Variants in GBF1 observed in about 807,000 individuals in gnomAD.
The protein encoded by GBF1 is golgi brefeldin A resistant guanine nucleotide exchange factor 1, also known as Golgi-specific brefeldin A-resistance guanine nucleotide exchange factor 1.
A neutral mutation model predicts 210.5 loss-of-function variants in GBF1; 114 were observed. That is an observed-to-expected ratio of 0.54 (90% CI 0.47 to 0.63). The LOEUF (loss-of-function observed/expected upper bound fraction) is 0.63. Ranked by LOEUF, GBF1 falls within the 30% of genes least tolerant of loss-of-function variation. The pLI is 0.00. For missense variants in GBF1, 1,851 were observed against 2,357.7 expected, an observed-to-expected ratio of 0.79 and a Z score of 4.45; for synonymous variants, 850 against 889.2, an observed-to-expected ratio of 0.96 and a Z score of 0.78.
At chr10:102,233,435 C>T in the GBF1 span, among the ~76,000 whole-genome samples, 1 of 151,426 alleles carries the variant, frequency 6.6e-6, no homozygotes, top group East Asian at 1.9e-4. Context: ...TCCCATGTAG[C>T]TGGGACTACA....
chr10:102,327,302 T>A (rs1049621962), intron 3 of GBF1, among the ~76,000 whole-genome samples: 1 of 152,086 alleles, frequency 6.6e-6, no homozygotes, highest in Non-Finnish European at 1.5e-5. Flanking sequence ...GGGAGGAAAA[T>A]ATAGAGCTGG....
In GBF1 at chr10:102,369,462, G is replaced by A. The variant is rs1431779532; in HGVS notation, c.3150+75G>A. 5.3e-5 allele frequency: 65 copies of A among 1,222,656 alleles called. No individual in the cohort carries two copies. In the East Asian group the frequency reaches 1.5e-3, roughly 29 times the overall value. 75.7% of individuals were successfully genotyped at this position (1,222,656 alleles called of 1,614,324 possible). ...CATTGTATGCTACCTGTACATAGAA[G>A]TAAGTGGTTGAGAGTAATGTTGGGC... On this transcript the variant is annotated intron_variant, in intron 24 of 39. Coordinates refer to ENST00000369983, the MANE Select transcript of GBF1 (RefSeq NM_001377137.1).
chr10:102,230,796 C>A, the GBF1 span: 6 of 1,549,470 alleles, frequency 3.9e-6, no homozygotes, highest in Non-Finnish European at 5.2e-6. Context: ...CAGGCCCTGG[C>A]ACGGTGCCCG....
At chr10:102,242,745 G>A (rs188843235), upstream of GBF1, among the ~76,000 whole-genome samples, 21 of 151,998 alleles carry the variant, frequency 1.4e-4, no homozygotes, top group African/African-American at 4.8e-4. Context: ...TGGCTAACAC[G>A]GTGAAACCCC....
At chr10:102,335,453 T>C (rs910330133) in intron 3 of GBF1, among the ~76,000 whole-genome samples, 1 of 152,224 alleles carries the variant, frequency 6.6e-6, no homozygotes, top group Non-Finnish European at 1.5e-5. Context: ...ACTTTTCTCC[T>C]GAAGGACTCA....
chr10:102,302,290 G>A (rs1159668753), intron 3 of GBF1, among the ~76,000 whole-genome samples: 3 of 152,092 alleles, frequency 2.0e-5, no homozygotes, highest in African/African-American at 7.2e-5. Flanking sequence ...GGAGAGGTTA[G>A]TATTTTCAAA....
chr10:102,251,485 C>T (rs1299216652), intron 1 of GBF1, among the ~76,000 whole-genome samples: 1 of 151,862 alleles, frequency 6.6e-6, no homozygotes, highest in African/African-American at 2.4e-5. Flanking sequence ...TGAGATAGAG[C>T]CTGATAGTCC....
intron 1 of GBF1, among the ~76,000 whole-genome samples, chr10:102,258,245 C>T (rs2072690945): frequency 6.7e-6 from 1 of 150,072 alleles, no homozygotes; most frequent in African/African-American, 2.4e-5. Context: ...ACCTCTGCCT[C>T]CCAGGTCCAA....
chr10:102,305,223 T>C (rs1179437028), intron 3 of GBF1, among the ~76,000 whole-genome samples: 1 of 145,072 alleles, frequency 6.9e-6, no homozygotes, highest in Non-Finnish European at 1.5e-5. Flanking sequence ...GTGTGTGTAC[T>C]TGATCACCTC....
chr10:102,370,280 G>C (rs1276833768), intron 27 of GBF1, 35 bp downstream of exon 27: 1 of 1,529,022 alleles, frequency 6.5e-7, no homozygotes, highest in Non-Finnish European at 9.1e-7. Flanking sequence ...GGAACAACTG[G>C]CTGAATCTGG....
intron 3 of GBF1, among the ~76,000 whole-genome samples, chr10:102,329,871 G>A (rs186860574): frequency 1.1e-4 from 17 of 152,300 alleles, no homozygotes; most frequent in Admixed American, 5.2e-4. Context: ...CACTTTGGGA[G>A]GCTGAGGCAG....
chr10:102,361,025 C>T lies in GBF1; in HGVS notation c.1396C>T (p.Leu466Phe), dbSNP rs894131912. The T allele has an allele frequency of 2.0e-6, 3 of 1,489,814 alleles. No individual in the cohort carries two copies. Among genetic ancestry groups the T allele is most frequent in the African/African-American group, 1.4e-5 (1 of 72,358 alleles). The allele number at this position is 1,489,814 out of a possible 1,614,324, so 92.3% of individuals were successfully genotyped here. A position where few individuals can be genotyped will look rare whatever the true frequency, so the allele number is the denominator to read the frequency against. Residue 466 changes from leucine to phenylalanine, a missense_variant, in exon 13 of 40, where the codon CTC becomes TTC. Physicochemically the swap from Leu to Phe is conservative, Grantham distance 22 (BLOSUM62 0). Around this residue, in one of 3 missense-constraint regions of GBF1, gnomAD observed 804 missense variants for 958.6 expected, o/e 0.84. Coordinates refer to ENST00000369983, the MANE Select transcript of GBF1 (RefSeq NM_001377137.1). ...DEMCRHLFQL[L>F]SIERLNLYAA... ...CCTACCCTGCTCTCATCTCCAGCTACTCAGCATAGAGCGACTAAACCTTTA... is the reference window on the plus strand; with the variant it reads ...CCTACCCTGCTCTCATCTCCAGCTATTCAGCATAGAGCGACTAAACCTTTA...
At chr10:102,301,973 A>G (rs972342187) in intron 3 of GBF1, among the ~76,000 whole-genome samples, 4 of 152,232 alleles carry the variant, frequency 2.6e-5, no homozygotes, top group African/African-American at 9.6e-5. Context: ...AGCCTGGGCA[A>G]CATTGAGCAT....
chr10:102,244,684 G>C (rs1428575279), upstream of GBF1, among the ~76,000 whole-genome samples: 2 of 152,132 alleles, frequency 1.3e-5, no homozygotes, highest in Non-Finnish European at 2.9e-5. Flanking sequence ...AAGGCAGACC[G>C]GGAGTCAAAG....
chr10:102,258,545 G>T lies in GBF1; in HGVS notation c.-10-384G>T, dbSNP rs2072750811. 4.0e-5 allele frequency among the ~76,000 whole-genome samples: 6 copies of T among 150,254 alleles called. 1 individual carries two copies. In the South Asian group the frequency reaches 1.3e-3, roughly 32 times the overall value. On this transcript the variant is annotated intron_variant, in intron 1 of 39. Coordinates refer to ENST00000369983, the MANE Select transcript of GBF1 (RefSeq NM_001377137.1). The stretch of plus-strand genomic sequence containing the variant: ...CCAGCACTTTGGGAGGCCCAGGCGG[G>T]TGGATTACCTGAGGTCTGGAGCTCG...
chr10:102,369,597 C>T, intron 24 of GBF1, 114 bp from the exon 25 acceptor site: 1 of 1,030,266 alleles, frequency 9.7e-7, no homozygotes. Flanking sequence ...CCAATTGGCA[C>T]AATAGCATAG....
Position 102,360,231 on chromosome 10 carries a change from C to T in GBF1, c.1228C>T (p.Arg410Cys), listed in dbSNP as rs547325224. The part of the protein sequence containing the change: ...YGLPCIRELF[R>C]FLISLTNPHD... ...TCTTCCCTGCATCCGCGAGCTCTTCCGCTTCCTCATCTCCCTCACCAATCC... is the reference window on the plus strand; with the variant it reads ...TCTTCCCTGCATCCGCGAGCTCTTCTGCTTCCTCATCTCCCTCACCAATCC... Residue 410 changes from arginine to cysteine, a missense_variant, in exon 12 of 40, where the codon CGC (arginine) becomes TGC (cysteine). Physicochemically the swap from Arg to Cys is radical, Grantham distance 180. Transcript: ENST00000369983. 18 of 1,614,040 alleles carry T rather than the reference C, an allele frequency of 1.1e-5. No individual in the cohort carries two copies. Among genetic ancestry groups the T allele is most frequent in the East Asian group, 4.5e-5 (2 of 44,892 alleles).
intron 3 of GBF1, among the ~76,000 whole-genome samples, chr10:102,298,820 T>C (rs542505045): frequency 2.0e-5 from 3 of 152,328 alleles, no homozygotes; most frequent in Non-Finnish European, 2.9e-5. Flanking sequence ...CCTCCTACTC[T>C]TACCTCTACA....
At position 102,363,767 on chromosome 10, in the gene GBF1, G is replaced by A. The variant is rs765742651; in HGVS notation, c.2075G>A (p.Arg692Gln). 29 of 1,612,206 alleles carry A rather than the reference G, an allele frequency of 1.8e-5. No homozygotes were observed. In the Admixed American group the frequency reaches 2.5e-4, roughly 14 times the overall value. The change falls in exon 17 of 40, where the codon CGG (arginine) becomes CAG (glutamine). Residue 692 changes from arginine (R) to glutamine (Q), a missense_variant. Physicochemically the swap from Arg to Gln is conservative, Grantham distance 43 (BLOSUM62 1). This residue lies in a region of GBF1 where 804 missense variants were observed against 958.6 expected (regional missense o/e 0.84). Coordinates refer to ENST00000369983, the MANE Select transcript of GBF1 (RefSeq NM_001377137.1). The surrounding 1 kb of genome is among the most constrained non-coding windows in gnomAD (Gnocchi z 4.2). Reference protein sequence around the residue: ...PRFSCLLPDPRELIEIKNKKK... With the variant: ...PRFSCLLPDPQELIEIKNKKK... ...TTTTCCTGTCTCCTGCCAGATCCAC[G>A]GGAACTAATTGAAATTAAAAACAAA... is the stretch of plus-strand genomic sequence containing the variant.
Sources: gnomAD v4.1 joint callset for allele counts (sites outside exome capture counted in the v4.1 genomes callset) on GRCh38, gnomAD v4.1.1 for gene constraint, gnomAD v4.1.1 regional missense constraint, Gnocchi (gnomAD v3.1) non-coding constraint, MANE v1.5 for transcripts, NCBI Gene and HGNC (gene_info 2026-07-23, HGNC 2026-07-21) for gene names.